Variants in ATP8A2 observed in about 807,000 individuals in gnomAD.
ATP8A2 encodes phospholipid-transporting ATPase IB.
A neutral mutation model predicts 165.6 loss-of-function variants in ATP8A2; 100 were observed. The ratio of observed to expected loss-of-function variants is 0.60; its 90% confidence interval spans 0.51 to 0.71. The LOEUF (loss-of-function observed/expected upper bound fraction) is 0.71. Among genes scored for constraint, ATP8A2 ranks in the 30% least tolerant of loss-of-function variants. ATP8A2 has a pLI of 0.00. For missense variants in ATP8A2, 1,227 were observed against 1,479.5 expected (o/e 0.83, Z 2.80); for synonymous variants, 543 against 548.8 (o/e 0.99, Z 0.15).
chr13:25,902,570 T>TAA, intron 33 of ATP8A2, among the ~76,000 whole-genome samples: 1 of 143,486 alleles, frequency 7.0e-6, no homozygotes, highest in East Asian at 2.0e-4. Flanking sequence ...AACATCAATT[T>TAA]AAAAAAAAAA....
At chr13:25,743,105 C>A (rs949498613) in intron 25 of ATP8A2, among the ~76,000 whole-genome samples, 2 of 151,856 alleles carry the variant, frequency 1.3e-5, no homozygotes, top group Non-Finnish European at 2.9e-5. Context: ...TTAGGGTGGA[C>A]CTCATCTTAA....
chr13:25,488,227 A>G (rs1046930441), intron 2 of ATP8A2, among the ~76,000 whole-genome samples: 8 of 152,150 alleles, frequency 5.3e-5, no homozygotes, highest in Non-Finnish European at 1.5e-5. Flanking sequence ...TATACGATTC[A>G]GTAGTGTTAA....
At chr13:25,461,935 C>T (rs1224434700) in intron 1 of ATP8A2, among the ~76,000 whole-genome samples, 1 of 152,108 alleles carries the variant, frequency 6.6e-6, no homozygotes, top group African/African-American at 2.4e-5. Flanking sequence ...AAAATATTCA[C>T]CAACTGACAC....
intron 2 of ATP8A2, among the ~76,000 whole-genome samples, chr13:25,515,560 A>G (rs1376528624): frequency 6.6e-6 from 1 of 152,280 alleles, no homozygotes; most frequent in Non-Finnish European, 1.5e-5. Context: ...GAAAGCAGAA[A>G]GAAGTCTATT....
At chr13:25,857,283 A>C (rs1042392960) in intron 30 of ATP8A2, among the ~76,000 whole-genome samples, 2 of 152,188 alleles carry the variant, frequency 1.3e-5, no homozygotes. Context: ...TACCATTCAG[A>C]TCTGCTCAAA....
chr13:25,768,397 C>T (rs1430909437), intron 25 of ATP8A2, among the ~76,000 whole-genome samples: 1 of 152,098 alleles, frequency 6.6e-6, no homozygotes, highest in Non-Finnish European at 1.5e-5. Flanking sequence ...GATCTTCTTG[C>T]CCCCTTTAGG....
In ATP8A2 at chr13:25,540,311, C is replaced by T. The variant is rs756469444; in HGVS notation, c.582-8C>T. On this transcript the variant is annotated splice_region_variant and splice_polypyrimidine_tract_variant and intron_variant, in intron 7 of 36. Coordinates refer to ENST00000381655, the MANE Select transcript of ATP8A2 (RefSeq NM_016529.6). ...ATGAAACTTGGCTCTTTTTTTCTCT[C>T]TCCTTAGTGAACCTCAGGCAATGTG... 6.2e-6 allele frequency: 10 copies of T among 1,610,968 alleles called. No homozygotes were observed. The Admixed American group carries it at 1.7e-4, about 27-fold the overall frequency.
At chr13:25,609,797 T>A (rs931048053) in intron 24 of ATP8A2, among the ~76,000 whole-genome samples, 3 of 151,374 alleles carry the variant, frequency 2.0e-5, no homozygotes, top group African/African-American at 4.8e-5. Flanking sequence ...TTTTTTTTTT[T>A]TTATTATGGC....
chr13:25,508,399 C>A (rs759035366), intron 2 of ATP8A2, among the ~76,000 whole-genome samples: 4 of 152,146 alleles, frequency 2.6e-5, no homozygotes, highest in Non-Finnish European at 5.9e-5. Context: ...TGTGACGTGT[C>A]TCATAACATA....
intron 27 of ATP8A2, among the ~76,000 whole-genome samples, chr13:25,781,384 T>A (rs2044874773): frequency 6.6e-6 from 1 of 152,264 alleles, no homozygotes; most frequent in African/African-American, 2.4e-5. Flanking sequence ...ATATATTTCC[T>A]TTTGCTGTTT....
rs907233482 is a variant in ATP8A2 at position 25,910,290 on chromosome 13, T to C, written c.3183+47882T>C. On this transcript the variant is annotated intron_variant, in intron 33 of 36. Coordinates refer to ENST00000381655, the MANE Select transcript of ATP8A2 (RefSeq NM_016529.6). ...ATAGGCCCTTATTGGAAGTTCTGGGTTCTAGGTTGGCTGGTTACAGATTTG... is the reference window on the plus strand; with the variant it reads ...ATAGGCCCTTATTGGAAGTTCTGGGCTCTAGGTTGGCTGGTTACAGATTTG... 7.2e-5 allele frequency among the ~76,000 whole-genome samples: 11 copies of C among 152,160 alleles called. 1 individual carries two copies. The highest frequency in any genetic ancestry group is 2.4e-4 in the African/African-American group (10 of 41,430).
At chr13:25,637,827 C>T (rs1343532116) in intron 24 of ATP8A2, among the ~76,000 whole-genome samples, 1 of 152,168 alleles carries the variant, frequency 6.6e-6, no homozygotes, top group East Asian at 1.9e-4. Flanking sequence ...GGTCCCTGAC[C>T]CCCGAGTAGC....
At chr13:25,867,116 G>C (rs936588402) in intron 33 of ATP8A2, among the ~76,000 whole-genome samples, 1 of 150,250 alleles carries the variant, frequency 6.7e-6, no homozygotes, top group Admixed American at 6.6e-5. Context: ...CCTGACTCCA[G>C]CCAGTTTCTG....
intron 24 of ATP8A2, among the ~76,000 whole-genome samples, chr13:25,590,707 C>A (rs1354514459): frequency 6.6e-6 from 1 of 152,140 alleles, no homozygotes; most frequent in African/African-American, 2.4e-5. Context: ...TTATATTTAG[C>A]CAATGCCAGG....
chr13:25,559,025 A>G lies in ATP8A2; in HGVS notation c.1316A>G (p.Asn439Ser). The G allele has an allele frequency of 6.2e-7, 1 of 1,613,028 alleles. No homozygotes were observed. Among genetic ancestry groups the G allele is most frequent in the South Asian group, 1.1e-5 (1 of 90,840 alleles). ...KTGTLTCNIM[N>S]FKKCSIAGVT... ...GGAACGCTTACATGCAATATCATGA[A>G]CTTTAAGAAGTGCAGCATTGCCGGA... Residue 439 changes from asparagine to serine, a missense_variant, in exon 14 of 37, where the codon AAC (asparagine) becomes AGC (serine). Asn to Ser is a conservative substitution (Grantham distance 46). This residue lies in a region of ATP8A2 where 592 missense variants were observed against 785.6 expected (regional missense o/e 0.75). Transcript: ENST00000381655.
chr13:25,414,481 C>G (rs902662762), intron 1 of ATP8A2, among the ~76,000 whole-genome samples: 1 of 152,106 alleles, frequency 6.6e-6, no homozygotes, highest in East Asian at 1.9e-4. Context: ...TCTGAGCCAC[C>G]GTGCCCAGCT....
At chr13:25,412,203 C>A (rs1056089168) in intron 1 of ATP8A2, among the ~76,000 whole-genome samples, 1 of 152,114 alleles carries the variant, frequency 6.6e-6, no homozygotes, top group African/African-American at 2.4e-5. Context: ...AAATGAACAA[C>A]TCTATATAGG....
Position 25,553,862 on chromosome 13 carries a change from T to A in ATP8A2, c.1127T>A (p.Ile376Asn). The change falls in exon 12 of 37, where the codon ATC becomes AAC. Residue 376 changes from isoleucine to asparagine, a missense_variant. Ile to Asn is a moderately radical substitution (Grantham distance 149). Coordinates refer to ENST00000381655, the MANE Select transcript of ATP8A2 (RefSeq NM_016529.6). ...FIILYNNLIPISLLVTLEVVK... is the reference protein window; with the variant it reads ...FIILYNNLIPNSLLVTLEVVK... Reference sequence around the variant, plus strand: ...ATCTTATACAACAATCTTATTCCCATCAGTCTGTTGGTGACTCTTGAGGTT... The same window carrying A: ...ATCTTATACAACAATCTTATTCCCAACAGTCTGTTGGTGACTCTTGAGGTT... 1 of 1,613,520 alleles carries A rather than the reference T, an allele frequency of 6.2e-7. No individual in the cohort carries two copies. Among genetic ancestry groups the A allele is most frequent in the Non-Finnish European group, 8.5e-7 (1 of 1,179,418 alleles).
At chr13:25,581,132 C>T (rs7998516) in intron 22 of ATP8A2, among the ~76,000 whole-genome samples, 89,902 of 152,004 alleles carry the variant, frequency 0.59, 28,308 homozygotes, top group Middle Eastern at 0.71. Context: ...GATCTTCCCA[C>T]AGTCTGTGAC....
Sources: allele counts gnomAD v4.1 joint callset (sites outside exome capture counted in the v4.1 genomes callset), GRCh38; gene constraint gnomAD v4.1.1; regional missense constraint gnomAD v4.1.1; transcripts MANE v1.5; gene names NCBI Gene and HGNC (gene_info 2026-07-23, HGNC 2026-07-21).